The following STK3 variants were observed in gnomAD, a reference collection of about 807,000 sequenced individuals.
The protein encoded by STK3 is serine/threonine kinase 3.
In STK3, 41 loss-of-function variants were observed where a neutral mutation model predicts 58.0. That is an observed-to-expected ratio of 0.71 (90% CI 0.55 to 0.92). The LOEUF (loss-of-function observed/expected upper bound fraction) is 0.92, where lower values mean the gene tolerates loss of function less well. STK3 is among the 40% of genes least tolerant of loss of function. The probability of loss-of-function intolerance (pLI) is 0.00; values close to 1 mark genes in which losing one functional copy is unlikely to be tolerated. For missense variants in STK3, 479 were observed against 602.7 expected (o/e 0.79, Z 2.15); for synonymous variants, 170 against 191.0 (o/e 0.89, Z 0.91).
intron 10 of STK3, among the ~76,000 whole-genome samples, chr8:98,521,875 C>T (rs1432156850): frequency 1.3e-5 from 2 of 152,078 alleles, no homozygotes; most frequent in Non-Finnish European, 2.9e-5. Context: ...TATACAACTC[C>T]AGCCTTCATC....
At chr8:98,795,074 C>T (rs1466644645) in intron 1 of STK3, among the ~76,000 whole-genome samples, 1 of 51,868 alleles carries the variant, frequency 1.9e-5, no homozygotes, top group African/African-American at 8.6e-5. Flanking sequence ...AGCAAAACTC[C>T]GTCGCAAAAA....
intron 10 of STK3, among the ~76,000 whole-genome samples, chr8:98,507,973 T>C (rs549816890): frequency 6.6e-6 from 1 of 152,314 alleles, no homozygotes; most frequent in South Asian, 2.1e-4. Flanking sequence ...CTTTTTTCTC[T>C]CCAAAGTACT....
intron 3 of STK3, among the ~76,000 whole-genome samples, chr8:98,404,462 C>T (rs563079950): frequency 1.3e-5 from 2 of 152,114 alleles, no homozygotes; most frequent in South Asian, 2.1e-4. Context: ...GGGTGGATCA[C>T]GAGGTCAGGA....
intron 1 of STK3, chr8:98,438,172 AT>A (rs1296004579): frequency 1.3e-5 from 2 of 151,992 alleles, no homozygotes; most frequent in African/African-American, 2.4e-5. Context: ...TAGCTTCCCC[AT>A]TTTTTTACAA....
At chr8:98,910,880 A>T (rs1221132887) in intron 1 of STK3, among the ~76,000 whole-genome samples, 1 of 152,212 alleles carries the variant, frequency 6.6e-6, no homozygotes, top group African/African-American at 2.4e-5. Context: ...GGGCAGAGAG[A>T]TTATAGCCCC....
chr8:98,753,052 A>G (rs148051278), intron 3 of STK3, among the ~76,000 whole-genome samples: 6 of 152,220 alleles, frequency 3.9e-5, no homozygotes, highest in Admixed American at 2.6e-4. Flanking sequence ...ATAGTGTGGC[A>G]ATTCCTCAAA....
At chr8:98,698,264 CG>C (rs1825178863) in intron 6 of STK3, among the ~76,000 whole-genome samples, 1 of 151,324 alleles carries the variant, frequency 6.6e-6, no homozygotes, top group South Asian at 2.1e-4. Flanking sequence ...TGTCTCTGCA[CG>C]TGAGATGGGT....
chr8:98,547,549 T>A (rs567310408), intron 9 of STK3, among the ~76,000 whole-genome samples: 31 of 152,310 alleles, frequency 2.0e-4, no homozygotes, highest in African/African-American at 7.2e-4. Context: ...TTTCCCACCT[T>A]ATTTCTTCCC....
rs549943609 is a variant in STK3, at chr8:98,896,467, C to T, written c.-78-12633G>A. Among the ~76,000 whole-genome samples, 3 of 152,370 alleles carry T rather than the reference C, an allele frequency of 2.0e-5. No individual in the cohort carries two copies. The South Asian group carries it at 6.2e-4, about 32-fold the overall frequency. ...CCCATTCCTACTTCACTTCCCAACA[C>T]ACCCACTTCCTGAGGAGTGGTAGAG... is the stretch of plus-strand genomic sequence containing the variant. On this transcript the variant is annotated intron_variant, in intron 1 of 1. Transcript: ENST00000519420.
intron 7 of STK3, among the ~76,000 whole-genome samples, chr8:98,584,462 C>T (rs62535376): frequency 0.23 from 34,762 of 148,992 alleles, 5,008 homozygotes; most frequent in East Asian, 0.44. Context: ...TATTCCATGG[C>T]ATATATGTGC....
chr8:98,754,286 T>C (rs1457609704), intron 3 of STK3, among the ~76,000 whole-genome samples: 1 of 152,150 alleles, frequency 6.6e-6, no homozygotes, highest in Non-Finnish European at 1.5e-5. Flanking sequence ...CATGTACTCC[T>C]TTAAGGTATG....
intron 6 of STK3, among the ~76,000 whole-genome samples, chr8:98,650,354 G>A (rs1820782480): frequency 6.6e-6 from 1 of 152,234 alleles, no homozygotes; most frequent in Admixed American, 6.5e-5. Context: ...ATGGCCCGGA[G>A]GGCAGCCAAG....
intron 4 of STK3, among the ~76,000 whole-genome samples, chr8:98,721,855 T>C (rs531929723): frequency 7.8e-4 from 119 of 152,238 alleles, no homozygotes; most frequent in African/African-American, 2.7e-3. Context: ...AATTCAGAAG[T>C]ATTTTCCAAG....
intron 1 of STK3, among the ~76,000 whole-genome samples, chr8:98,798,529 T>C (rs768820459): frequency 1.2e-4 from 19 of 152,312 alleles, no homozygotes; most frequent in Middle Eastern, 3.4e-3. Flanking sequence ...GGAGAACAAG[T>C]TACCCACAAA....
intron 10 of STK3, among the ~76,000 whole-genome samples, chr8:98,489,021 A>G (rs1822493968): frequency 6.6e-6 from 1 of 152,286 alleles, no homozygotes; most frequent in East Asian, 1.9e-4. Context: ...TTTGACCATG[A>G]AACTGAGAGC....
intron 1 of STK3, among the ~76,000 whole-genome samples, chr8:98,912,292 T>C (rs974097189): frequency 6.6e-6 from 1 of 151,958 alleles, no homozygotes; most frequent in Non-Finnish European, 1.5e-5. Flanking sequence ...GCAGGAGAAT[T>C]GCTTGATCCC....
Position 98,662,445 on chromosome 8 carries a change from A to C in STK3, c.684+44022T>G, listed in dbSNP as rs888292191. On this transcript the variant is annotated intron_variant, in intron 6 of 10. Coordinates refer to ENST00000419617, the MANE Select transcript of STK3 (RefSeq NM_006281.4). ...GTAATCTTGCAGCAAATTAAACAATATGATCTATGATCCATATGTAGGCCT... is the reference window on the plus strand; with the variant it reads ...GTAATCTTGCAGCAAATTAAACAATCTGATCTATGATCCATATGTAGGCCT... Among the ~76,000 whole-genome samples the C allele has an allele frequency of 2.0e-4, 30 of 152,328 alleles. 1 individual carries two copies. The highest frequency in any genetic ancestry group is 7.0e-4 in the African/African-American group (29 of 41,580).
At position 98,596,033 on chromosome 8, in the gene STK3, T is replaced by G; in HGVS notation, c.821A>C (p.Gln274Pro). 6.2e-7 allele frequency: 1 copy of G among 1,612,832 alleles called. No homozygotes were observed. Among genetic ancestry groups the G allele is most frequent in the South Asian group, 1.1e-5 (1 of 90,854 alleles). ...EQRATATQLL[Q>P]HPFIKNAKPV... ...TCCCTTCGAGGCACAAGCACTGACC[T>G]GTAAAAGTTGTGTTGCAGTAGCTCT... The change falls in exon 7 of 11, where the codon CAG (glutamine) becomes CCG (proline). Residue 274 changes from glutamine (Q) to proline (P), a missense_variant and splice_region_variant. Gln to Pro is a moderately conservative substitution (Grantham distance 76, BLOSUM62 -1). This residue lies in a region of STK3 where 309 missense variants were observed against 355.7 expected (regional missense o/e 0.87). Coordinates refer to ENST00000419617, the MANE Select transcript of STK3 (RefSeq NM_006281.4).
intron 8 of STK3, among the ~76,000 whole-genome samples, chr8:98,562,396 T>C (rs1812115235): frequency 6.6e-6 from 1 of 152,032 alleles, no homozygotes; most frequent in South Asian, 2.1e-4. Context: ...AACGTAGTGT[T>C]AAATGAAAAA....
Sources: allele counts gnomAD v4.1 joint callset (sites outside exome capture counted in the v4.1 genomes callset), GRCh38; gene constraint gnomAD v4.1.1; regional missense constraint gnomAD v4.1.1; transcripts MANE v1.5; gene names NCBI Gene and HGNC (gene_info 2026-07-23, HGNC 2026-07-21).